Variants in NR1H4 observed in about 807,000 individuals in gnomAD.
The protein encoded by NR1H4 is bile acid receptor.
NR1H4 carries 23 observed loss-of-function variants against 58.5 expected under a neutral mutation model. The observed-to-expected ratio is 0.39, with a 90% CI of 0.28 to 0.56. The LOEUF is 0.56. Among genes scored for constraint, NR1H4 ranks in the 20% least tolerant of loss-of-function variants. NR1H4 has a pLI of 0.58. For synonymous variants in NR1H4, 214 were observed against 198.0 expected (o/e 1.08, Z -0.68); for missense variants, 487 against 576.9 (o/e 0.84, Z 1.60).
Position 100,512,627 on chromosome 12 carries a change from C to T in NR1H4, c.445+1484C>T, listed in dbSNP as rs942053481. 6.7e-5 allele frequency among the ~76,000 whole-genome samples: 10 copies of T among 149,472 alleles called. 1 individual carries two copies. The highest frequency in any genetic ancestry group is 1.0e-4 in the African/African-American group (4 of 39,612). The stretch of plus-strand genomic sequence containing the variant: ...CTGCACTCCAGCCTGGGCAACTGAG[C>T]GAGACTCCGTCTCCAAAAAAAAAAA... On this transcript the variant is annotated intron_variant, in intron 4 of 10. Transcript: ENST00000392986.
At chr12:100,562,554 A>C (rs1207136017) in intron 10 of NR1H4, among the ~76,000 whole-genome samples, 1 of 152,188 alleles carries the variant, frequency 6.6e-6, no homozygotes, top group Non-Finnish European at 1.5e-5. Context: ...AAAAAATTAC[A>C]TTGGTAAAGT....
chr12:100,526,759 T>C lies in NR1H4; in HGVS notation c.446-5699T>C, dbSNP rs1954567386. On this transcript the variant is annotated intron_variant, in intron 4 of 10. Transcript: ENST00000392986. ...ATCTGTCACTCCTCTAGAAGCTCTT[T>C]ATTAGTGCTGGTTCAATACTCACAG... is the stretch of plus-strand genomic sequence containing the variant. Among the ~76,000 whole-genome samples the C allele has an allele frequency of 2.0e-5, 3 of 152,292 alleles. No homozygotes were observed. In the South Asian group the frequency reaches 6.2e-4, roughly 32 times the overall value.
rs1955517042 is a variant in NR1H4 at position 100,563,357 on chromosome 12, C to G, written c.1299C>G (p.His433Gln). 4 of 1,614,042 alleles carry G rather than the reference C, an allele frequency of 2.5e-6. No individual in the cohort carries two copies. The highest frequency in any genetic ancestry group is 2.2e-5 in the East Asian group (1 of 44,886). ...CKIHQPENPQHFACLLGRLTE... is the reference protein window; with the variant it reads ...CKIHQPENPQQFACLLGRLTE... ...TTCACCAGCCTGAAAATCCTCAACACTTTGCCTGTCTCCTGGGTCGCCTGA... is the reference window on the plus strand; with the variant it reads ...TTCACCAGCCTGAAAATCCTCAACAGTTTGCCTGTCTCCTGGGTCGCCTGA... Residue 433 changes from histidine to glutamine, a missense_variant, in exon 11 of 11, where the codon CAC (histidine) becomes CAG (glutamine). Physicochemically the swap from His to Gln is conservative, Grantham distance 24. Coordinates refer to ENST00000392986, the MANE Select transcript of NR1H4 (RefSeq NM_001206979.2).
chr12:100,480,224 T>G (rs190079808), intron 1 of NR1H4, among the ~76,000 whole-genome samples: 8 of 152,312 alleles, frequency 5.3e-5, no homozygotes, highest in Admixed American at 2.6e-4. Context: ...CTACTACCAT[T>G]GGGTTTTTCT....
intron 9 of NR1H4, among the ~76,000 whole-genome samples, chr12:100,555,254 AT>A (rs1955296109): frequency 6.6e-6 from 1 of 152,250 alleles, no homozygotes. Context: ...ATAGCCATAA[AT>A]TATTATTTTA....
intron 4 of NR1H4, among the ~76,000 whole-genome samples, chr12:100,531,869 A>G (rs1002746371): frequency 6.6e-6 from 1 of 152,158 alleles, no homozygotes; most frequent in African/African-American, 2.4e-5. Context: ...GCTGGCATAT[A>G]AAGTACTGAA....
chr12:100,538,133 G>T (rs887183392), intron 8 of NR1H4, among the ~76,000 whole-genome samples: 1 of 152,100 alleles, frequency 6.6e-6, no homozygotes, highest in Non-Finnish European at 1.5e-5. Context: ...AGACAATAAG[G>T]TAAGTTGGTA....
chr12:100,526,448 C>A lies in NR1H4; in HGVS notation c.446-6010C>A, dbSNP rs114947614. Among the ~76,000 whole-genome samples the A allele has an allele frequency of 6.5e-3, 986 of 152,206 alleles. 10 individuals carry two copies. The highest frequency in any genetic ancestry group is 0.022 in the African/African-American group (898 of 41,534). ...TGCATTATGTGTAACCTTTTAGAAA[C>A]CTTTGTGATGTAAGATATGTTATAT... On this transcript the variant is annotated intron_variant, in intron 4 of 10. Coordinates refer to ENST00000392986, the MANE Select transcript of NR1H4 (RefSeq NM_001206979.2).
intron 4 of NR1H4, among the ~76,000 whole-genome samples, chr12:100,516,967 A>G (rs376618290): frequency 9.2e-5 from 14 of 152,174 alleles, no homozygotes; most frequent in East Asian, 5.8e-4. Flanking sequence ...TACATGTATA[A>G]TTGTGTAATG....
intron 4 of NR1H4, among the ~76,000 whole-genome samples, chr12:100,511,748 C>A (rs1017478242): frequency 6.6e-6 from 1 of 151,802 alleles, no homozygotes; most frequent in African/African-American, 2.4e-5. Flanking sequence ...ACGGTGAAAT[C>A]TCGTCTCTAC....
chr12:100,487,855 G>T (rs1345256280), intron 1 of NR1H4, among the ~76,000 whole-genome samples: 1 of 151,802 alleles, frequency 6.6e-6, no homozygotes, highest in African/African-American at 2.4e-5. Context: ...CAAGTGATCC[G>T]CCTGTCTCAG....
intron 4 of NR1H4, among the ~76,000 whole-genome samples, chr12:100,515,469 G>A (rs955718838): frequency 6.6e-6 from 1 of 152,040 alleles, no homozygotes; most frequent in Admixed American, 6.6e-5. Context: ...ACTGTGCCTG[G>A]CCTGTCATAG....
At chr12:100,552,743 C>T (rs143507326) in intron 9 of NR1H4, among the ~76,000 whole-genome samples, 85 of 152,174 alleles carry the variant, frequency 5.6e-4, no homozygotes, top group Non-Finnish European at 1.1e-3. Flanking sequence ...GAATACATAG[C>T]AAGTCCCTGT....
Position 100,532,454 on chromosome 12 carries a change from A to C in NR1H4, c.446-4A>C. The C allele has an allele frequency of 1.2e-6, 2 of 1,614,018 alleles. No homozygotes were observed. Among genetic ancestry groups the C allele is most frequent in the East Asian group, 2.2e-5 (1 of 44,872 alleles). ...TTTTACACTTTTCAGTGTTTCTCCC[A>C]CAGGTTTCTTCAGGAGAAGCATTAC... On this transcript the variant is annotated splice_polypyrimidine_tract_variant and splice_region_variant and intron_variant, in intron 4 of 10. Coordinates refer to ENST00000392986, the MANE Select transcript of NR1H4 (RefSeq NM_001206979.2).
At chr12:100,551,211 A>G (rs982768029) in intron 9 of NR1H4, among the ~76,000 whole-genome samples, 1 of 152,242 alleles carries the variant, frequency 6.6e-6, no homozygotes, top group East Asian at 1.9e-4. Context: ...GCTTTAAGTC[A>G]GTGATCAAAT....
intron 9 of NR1H4, among the ~76,000 whole-genome samples, chr12:100,541,876 C>T (rs1478376045): frequency 1.3e-5 from 2 of 152,080 alleles, no homozygotes; most frequent in African/African-American, 4.8e-5. Context: ...GGATTAAAGG[C>T]ATGAGCCACC....
At chr12:100,514,353 A>C (rs1270358946) in intron 4 of NR1H4, among the ~76,000 whole-genome samples, 3 of 152,306 alleles carry the variant, frequency 2.0e-5, no homozygotes, top group South Asian at 2.1e-4. Flanking sequence ...CAAGTTTATA[A>C]ATTTCATAAG....
intron 9 of NR1H4, among the ~76,000 whole-genome samples, chr12:100,545,715 G>A (rs1044086289): frequency 6.7e-6 from 1 of 148,394 alleles, no homozygotes; most frequent in Non-Finnish European, 1.5e-5. Flanking sequence ...TATTAATTAC[G>A]GCACCAGAAA....
At chr12:100,531,558 C>A (rs1244280875) in intron 4 of NR1H4, among the ~76,000 whole-genome samples, 1 of 152,236 alleles carries the variant, frequency 6.6e-6, no homozygotes, top group Non-Finnish European at 1.5e-5. Context: ...ACTTGCTATG[C>A]ACAAACCAGC....
Sources: allele counts gnomAD v4.1 joint callset (sites outside exome capture counted in the v4.1 genomes callset), GRCh38; gene constraint gnomAD v4.1.1; transcripts MANE v1.5; gene names NCBI Gene and HGNC (gene_info 2026-07-23, HGNC 2026-07-21).